The following ANKRD45 variants were observed in gnomAD, a reference collection of about 807,000 sequenced individuals.
ANKRD45 encodes ankyrin repeat domain-containing protein 45.
A neutral mutation model predicts 28.1 loss-of-function variants in ANKRD45; 21 were observed. The observed-to-expected ratio is 0.75, with a 90% CI of 0.53 to 1.08. The LOEUF (loss-of-function observed/expected upper bound fraction) is 1.08. Ranked by LOEUF, ANKRD45 falls within the 50% of genes least tolerant of loss-of-function variation. ANKRD45 has a pLI of 0.00. For synonymous variants in ANKRD45, 86 were observed against 103.9 expected, an observed-to-expected ratio of 0.83 and a Z score of 1.05; for missense variants, 261 against 308.7, an observed-to-expected ratio of 0.85 and a Z score of 1.16.
At chr1:173,694,534 TTTA>T in the ANKRD45 span, among the ~76,000 whole-genome samples, 31,503 of 143,906 alleles carry the variant, frequency 0.22, 3,710 homozygotes, top group South Asian at 0.37. Context: ...ACTTAAGAAG[TTTA>T]TTATTATTAT....
intron 1 of ANKRD45, chr1:173,669,488 G>C (rs1670169217): frequency 2.2e-6 from 1 of 455,816 alleles, no homozygotes; most frequent in East Asian, 7.0e-5. Context: ...GTTAAACAAA[G>C]AGAAGGCCTG....
chr1:173,712,519 T>C, the ANKRD45 span, among the ~76,000 whole-genome samples: 1 of 152,254 alleles, frequency 6.6e-6, no homozygotes, highest in Non-Finnish European at 1.5e-5. Context: ...TTGCTAGTAT[T>C]ATTATTACTG....
At chr1:173,709,912 A>G in the ANKRD45 span, among the ~76,000 whole-genome samples, 1 of 152,240 alleles carries the variant, frequency 6.6e-6, no homozygotes, top group African/African-American at 2.4e-5. Flanking sequence ...GATTATAGGC[A>G]TAAGCCACCC....
chr1:173,616,238 G>A (rs1306675630), intron 5 of ANKRD45, among the ~76,000 whole-genome samples: 1 of 152,080 alleles, frequency 6.6e-6, no homozygotes, highest in South Asian at 2.1e-4. Context: ...AGGCCACCAC[G>A]AAAGGCAACA....
intron 1 of ANKRD45, among the ~76,000 whole-genome samples, chr1:173,662,847 G>T (rs1158404971): frequency 6.6e-6 from 1 of 152,144 alleles, no homozygotes; most frequent in Non-Finnish European, 1.5e-5. Context: ...CAAGTTTCTT[G>T]ATTTTCCAGC....
At chr1:173,705,416 C>A in the ANKRD45 span, among the ~76,000 whole-genome samples, 5 of 151,210 alleles carry the variant, frequency 3.3e-5, no homozygotes, top group Non-Finnish European at 5.9e-5. Flanking sequence ...GCAATCCCAG[C>A]ACTTTGGGAG....
chr1:173,681,007 G>A, the ANKRD45 span, among the ~76,000 whole-genome samples: 2 of 151,868 alleles, frequency 1.3e-5, no homozygotes, highest in Non-Finnish European at 2.9e-5. Flanking sequence ...GGAAGGGATA[G>A]CATTAGGAGA....
the ANKRD45 span, among the ~76,000 whole-genome samples, chr1:173,702,963 T>C: frequency 2.6e-5 from 4 of 152,034 alleles, no homozygotes; most frequent in Non-Finnish European, 4.4e-5. Context: ...TGGCCTCAAG[T>C]GATCCTCCCA....
intron 1 of ANKRD45, chr1:173,669,369 T>C (rs1326346664): frequency 4.5e-6 from 2 of 445,500 alleles, no homozygotes; most frequent in Non-Finnish European, 8.9e-6. Context: ...GATCCTAATG[T>C]GCCTTTTAAG....
intron 3 of ANKRD45, among the ~76,000 whole-genome samples, chr1:173,627,835 G>T (rs1461179331): frequency 6.6e-6 from 1 of 151,764 alleles, no homozygotes; most frequent in African/African-American, 2.4e-5. Flanking sequence ...CCAATCCCAG[G>T]CAACACAGCT....
chr1:173,610,894 T>C (rs1270960994), intron 5 of ANKRD45, among the ~76,000 whole-genome samples: 2 of 152,124 alleles, frequency 1.3e-5, no homozygotes, highest in African/African-American at 4.8e-5. Context: ...CTATACTCAC[T>C]TTCTCTAGTC....
At chr1:173,635,259 T>C in intron 3 of ANKRD45, 1 of 334,824 alleles carries the variant, frequency 3.0e-6, no homozygotes, top group Admixed American at 4.4e-5. Flanking sequence ...ATGTGGTTAT[T>C]TATGATGTCA....
the ANKRD45 span, among the ~76,000 whole-genome samples, chr1:173,677,560 G>A: frequency 7.2e-5 from 11 of 152,138 alleles, no homozygotes; most frequent in South Asian, 2.3e-3. Flanking sequence ...GAGTTGAATG[G>A]TGTTAATTTC....
At chr1:173,690,737 T>C in the ANKRD45 span, among the ~76,000 whole-genome samples, 1 of 152,236 alleles carries the variant, frequency 6.6e-6, no homozygotes, top group African/African-American at 2.4e-5. Flanking sequence ...TAGGGGGCTA[T>C]ACAGTGGAAT....
chr1:173,636,523 C>T (rs181192759), intron 3 of ANKRD45, among the ~76,000 whole-genome samples: 9 of 152,198 alleles, frequency 5.9e-5, no homozygotes, highest in South Asian at 2.1e-4. Context: ...CTTTCATAAA[C>T]GAATACATTT....
the ANKRD45 span, among the ~76,000 whole-genome samples, chr1:173,696,776 A>C: frequency 1.3e-5 from 2 of 152,258 alleles, no homozygotes; most frequent in East Asian, 3.9e-4. Flanking sequence ...GTTTCATATG[A>C]ATTTAAGAAT....
chr1:173,682,914 A>G, the ANKRD45 span, among the ~76,000 whole-genome samples: 5 of 151,596 alleles, frequency 3.3e-5, no homozygotes, highest in African/African-American at 1.2e-4. Context: ...CCCTTTTAGT[A>G]GTCAAAATAA....
the ANKRD45 span, among the ~76,000 whole-genome samples, chr1:173,713,498 A>G: frequency 6.6e-6 from 1 of 152,242 alleles, no homozygotes; most frequent in African/African-American, 2.4e-5. Context: ...GAATTCTGTT[A>G]AGTGTAGACA....
At chr1:173,661,592 C>A (rs931022243) in intron 1 of ANKRD45, among the ~76,000 whole-genome samples, 9 of 152,068 alleles carry the variant, frequency 5.9e-5, no homozygotes, top group Non-Finnish European at 1.0e-4. Context: ...ATCCGACAAG[C>A]CTGAGTGACA....
Sources: gnomAD v4.1 joint callset for allele counts (sites outside exome capture counted in the v4.1 genomes callset) on GRCh38, gnomAD v4.1.1 for gene constraint, MANE v1.5 for transcripts, NCBI Gene and HGNC (gene_info 2026-07-23, HGNC 2026-07-21) for gene names.